Variants in TAFA4 observed in about 807,000 individuals in gnomAD.
TAFA4 encodes TAFA chemokine like family member 4.
TAFA4 carries 20 observed loss-of-function variants against 21.1 expected under a neutral mutation model. The ratio of observed to expected loss-of-function variants is 0.95; its 90% CI spans 0.67 to 1.38. The LOEUF (loss-of-function observed/expected upper bound fraction) is 1.38, where lower values mean the gene tolerates loss of function less well. Among genes scored for constraint, TAFA4 ranks in the 40% most tolerant of loss-of-function variants. TAFA4 has a pLI of 0.00. For missense variants in TAFA4, 211 were observed against 180.9 expected, an observed-to-expected ratio of 1.17 and a Z score of -0.95; for synonymous variants, 71 against 67.4, an observed-to-expected ratio of 1.05 and a Z score of -0.26.
chr3:68,896,661 G>C (rs17048128), intron 1 of TAFA4, among the ~76,000 whole-genome samples: 1 of 151,984 alleles, frequency 6.6e-6, no homozygotes. Flanking sequence ...TTGTTCGCAG[G>C]CTAAGGTTGT....
At chr3:68,892,884 T>C (rs1050812810) in intron 1 of TAFA4, among the ~76,000 whole-genome samples, 1 of 152,180 alleles carries the variant, frequency 6.6e-6, no homozygotes, top group African/African-American at 2.4e-5. Context: ...CCAGTATACA[T>C]AAAACTGAAA....
At chr3:68,889,376 A>G (rs1365144431) in intron 1 of TAFA4, among the ~76,000 whole-genome samples, 1 of 152,202 alleles carries the variant, frequency 6.6e-6, no homozygotes, top group East Asian at 1.9e-4. Flanking sequence ...ATGTTACACA[A>G]GAAAGAATTC....
intron 3 of TAFA4, among the ~76,000 whole-genome samples, chr3:68,845,376 A>T (rs1268919646): frequency 8.6e-5 from 13 of 151,494 alleles, no homozygotes; most frequent in Non-Finnish European, 1.5e-5. Context: ...GTATTCTTCC[A>T]TTCCTTTATT....
At chr3:68,913,930 G>C (rs1163797665) in intron 1 of TAFA4, among the ~76,000 whole-genome samples, 1 of 152,124 alleles carries the variant, frequency 6.6e-6, no homozygotes, top group African/African-American at 2.4e-5. Flanking sequence ...TTTAAATAGT[G>C]CTTGGCATAA....
chr3:68,891,737 G>A (rs555502079), intron 1 of TAFA4, among the ~76,000 whole-genome samples: 42 of 152,262 alleles, frequency 2.8e-4, no homozygotes, highest in African/African-American at 8.7e-4. Context: ...TAGGGATGGG[G>A]GGAGACTATC....
chr3:68,859,823 T>G (rs1009817745), intron 3 of TAFA4, among the ~76,000 whole-genome samples: 4 of 152,082 alleles, frequency 2.6e-5, no homozygotes, highest in Non-Finnish European at 5.9e-5. Flanking sequence ...TATCCACCAA[T>G]TGCACGCCTA....
intron 2 of TAFA4, among the ~76,000 whole-genome samples, chr3:68,882,461 C>T (rs6773812): frequency 0.15 from 23,461 of 152,100 alleles, 2,687 homozygotes; most frequent in East Asian, 0.5. Flanking sequence ...AACAGGCTGC[C>T]GTGGTCGCAG....
intron 3 of TAFA4, among the ~76,000 whole-genome samples, chr3:68,827,967 C>A (rs1704292322): frequency 6.6e-6 from 1 of 152,114 alleles, no homozygotes; most frequent in African/African-American, 2.4e-5. Context: ...ATGCCTATGT[C>A]CTGAATGGTA....
intron 3 of TAFA4, among the ~76,000 whole-genome samples, chr3:68,880,118 G>A (rs1192604619): frequency 6.7e-6 from 1 of 150,022 alleles, no homozygotes; most frequent in Non-Finnish European, 1.5e-5. Flanking sequence ...TTTTGATCTC[G>A]CCTTTAAAAA....
intron 1 of TAFA4, among the ~76,000 whole-genome samples, chr3:68,929,215 T>C (rs549942356): frequency 6.6e-6 from 1 of 152,294 alleles, no homozygotes; most frequent in South Asian, 2.1e-4. Context: ...TGCCATACCA[T>C]ACTTAAGTCT....
intron 1 of TAFA4, among the ~76,000 whole-genome samples, chr3:68,918,557 A>C (rs2090027891): frequency 6.6e-6 from 1 of 152,218 alleles, no homozygotes; most frequent in African/African-American, 2.4e-5. Flanking sequence ...TATTTGCTCG[A>C]GACAGGGTCT....
At chr3:68,917,398 A>T (rs1213235074) in intron 1 of TAFA4, among the ~76,000 whole-genome samples, 2 of 152,136 alleles carry the variant, frequency 1.3e-5, no homozygotes, top group African/African-American at 4.8e-5. Context: ...TTTCTACATC[A>T]TCCAAGCTCA....
intron 3 of TAFA4, among the ~76,000 whole-genome samples, chr3:68,763,755 A>C (rs1350063021): frequency 6.6e-6 from 1 of 151,974 alleles, no homozygotes; most frequent in African/African-American, 2.4e-5. Flanking sequence ...TTTTTCTAAT[A>C]ATATCATAGA....
intron 3 of TAFA4, among the ~76,000 whole-genome samples, chr3:68,753,238 C>T (rs1447543509): frequency 2.6e-5 from 4 of 152,000 alleles, no homozygotes; most frequent in African/African-American, 7.3e-5. Context: ...AGAAATGAGG[C>T]CTCCAGGATC....
At chr3:68,843,918 C>T (rs943442777) in intron 3 of TAFA4, among the ~76,000 whole-genome samples, 1 of 152,182 alleles carries the variant, frequency 6.6e-6, no homozygotes, top group Non-Finnish European at 1.5e-5. Flanking sequence ...ATTTGGTTTG[C>T]CAGTATTTTA....
In TAFA4 at chr3:68,867,216, C is replaced by G. The variant is rs542301488; in HGVS notation, c.130+13514G>C. On this transcript the variant is annotated intron_variant, in intron 3 of 5. Transcript: ENST00000295569. The stretch of plus-strand genomic sequence containing the variant: ...GCAGCTAATAACATGTTGAGGAGCT[C>G]TGAATCGTCTGGCAACAGACTTCTC... Among the ~76,000 whole-genome samples the G allele has an allele frequency of 1.1e-4, 17 of 152,152 alleles. No homozygotes were observed. The East Asian group carries it at 2.7e-3, about 24-fold the overall frequency.
chr3:68,753,904 T>A (rs1702610245), intron 3 of TAFA4, among the ~76,000 whole-genome samples: 1 of 152,182 alleles, frequency 6.6e-6, no homozygotes. Context: ...TTTAACCCAA[T>A]GGTGAGACGC....
intron 3 of TAFA4, among the ~76,000 whole-genome samples, chr3:68,759,805 A>G (rs1365566753): frequency 1.3e-5 from 2 of 152,152 alleles, no homozygotes; most frequent in Non-Finnish European, 2.9e-5. Context: ...AAAGCAAAAA[A>G]CAAAACACTG....
chr3:68,855,524 A>C (rs529008475), intron 3 of TAFA4, among the ~76,000 whole-genome samples: 1 of 152,264 alleles, frequency 6.6e-6, no homozygotes, highest in African/African-American at 2.4e-5. Flanking sequence ...ATACTATGGA[A>C]AAACAGCCGC....
Sources: allele counts gnomAD v4.1 joint callset (sites outside exome capture counted in the v4.1 genomes callset), GRCh38; gene constraint gnomAD v4.1.1; transcripts MANE v1.5; gene names NCBI Gene and HGNC (gene_info 2026-07-23, HGNC 2026-07-21).